The following ERN1 variants were observed in gnomAD, a reference collection of about 807,000 sequenced individuals.
ERN1 encodes serine/threonine-protein kinase/endoribonuclease IRE1.
ERN1 carries 39 observed loss-of-function variants against 113.1 expected under a neutral mutation model. The observed-to-expected ratio is 0.34, with a 90% CI of 0.27 to 0.45. ERN1 has a LOEUF of 0.45. ERN1 is among the 20% of genes least tolerant of loss of function. The pLI, the probability that ERN1 is intolerant of heterozygous loss-of-function variation, is 1.00. For synonymous variants in ERN1, 507 were observed against 515.9 expected, an observed-to-expected ratio of 0.98 and a Z score of 0.23; for missense variants, 976 against 1,274.8, an observed-to-expected ratio of 0.77 and a Z score of 3.57.
At chr17:64,095,912 C>T (rs189700097) in intron 2 of ERN1, among the ~76,000 whole-genome samples, 1 of 152,352 alleles carries the variant, frequency 6.6e-6, no homozygotes, top group East Asian at 1.9e-4. Flanking sequence ...CCCCACTTCA[C>T]AGAGCCTCCT....
chr17:64,048,980 G>T, intron 18 of ERN1, 75 bp downstream of exon 18: 3 of 1,403,434 alleles, frequency 2.1e-6, no homozygotes, highest in Non-Finnish European at 2.8e-6. Context: ...TGCAAAGGTG[G>T]CACCAGCCCA....
intron 1 of ERN1, among the ~76,000 whole-genome samples, chr17:64,099,605 C>A (rs1470077183): frequency 6.6e-6 from 1 of 151,840 alleles, no homozygotes; most frequent in East Asian, 1.9e-4. Context: ...TTTTGAAATA[C>A]AGAAGTATGG....
Position 64,102,669 on chromosome 17 carries a change from G to T in ERN1, c.55-4428C>A, listed in dbSNP as rs143581413. 6.9e-4 allele frequency: 684 copies of T among 985,366 alleles called. 2 individuals are homozygous for T. In the African/African-American group the frequency reaches 0.011, roughly 16 times the overall value. 61.0% of individuals were successfully genotyped at this position (985,366 alleles called of 1,614,324 possible). A position where few individuals can be genotyped will look rare whatever the true frequency, so the allele number is the denominator to read the frequency against. Reference sequence around the variant, plus strand: ...TACTGAGCACAGCTGAGAACTATTTGTACCTGAACACTGAAAAACGCTGCT... The same window carrying T: ...TACTGAGCACAGCTGAGAACTATTTTTACCTGAACACTGAAAAACGCTGCT... On this transcript the variant is annotated intron_variant, in intron 1 of 21. Transcript: ENST00000433197.
intron 1 of ERN1, 109 bp from the exon 2 acceptor site, chr17:64,098,350 T>C (rs1353617639): frequency 2.2e-6 from 3 of 1,362,520 alleles, no homozygotes; most frequent in Non-Finnish European, 3.1e-6. Flanking sequence ...CCCTCCATTT[T>C]ACAGATGAAG....
At chr17:64,111,592 G>A (rs1041489807) in intron 1 of ERN1, among the ~76,000 whole-genome samples, 1 of 152,054 alleles carries the variant, frequency 6.6e-6, no homozygotes, top group African/African-American at 2.4e-5. Context: ...CCTGACTTTA[G>A]GTGATCCATC....
At chr17:64,062,148 G>C (rs1047449020) in intron 10 of ERN1, among the ~76,000 whole-genome samples, 2 of 152,248 alleles carry the variant, frequency 1.3e-5, no homozygotes, top group African/African-American at 4.8e-5. Context: ...GCAAAAAGCA[G>C]ATGGCTAGGC....
At chr17:64,105,802 C>T (rs1260487232) in intron 1 of ERN1, among the ~76,000 whole-genome samples, 1 of 152,064 alleles carries the variant, frequency 6.6e-6, no homozygotes, top group Non-Finnish European at 1.5e-5. Context: ...CCTGTCTCTA[C>T]TAAAAATACA....
chr17:64,108,673 G>T (rs757583675), intron 1 of ERN1, among the ~76,000 whole-genome samples: 1 of 152,122 alleles, frequency 6.6e-6, no homozygotes. Flanking sequence ...ACCAAGAAAC[G>T]TATCAGGCTA....
chr17:64,105,587 T>G (rs921350011), intron 1 of ERN1, among the ~76,000 whole-genome samples: 3 of 152,174 alleles, frequency 2.0e-5, no homozygotes, highest in Non-Finnish European at 2.9e-5. Flanking sequence ...TGTGTGTGTG[T>G]TTTTGTTTGT....
chr17:64,079,897 A>C (rs1259285893), intron 3 of ERN1, among the ~76,000 whole-genome samples, 163 bp from the exon 4 acceptor site: 1 of 152,216 alleles, frequency 6.6e-6, no homozygotes, highest in Non-Finnish European at 1.5e-5. Flanking sequence ...ACTCTCTCTC[A>C]CTTCAACCAC....
intron 1 of ERN1, among the ~76,000 whole-genome samples, chr17:64,109,347 C>A (rs184215845): frequency 3.3e-5 from 5 of 152,280 alleles, no homozygotes; most frequent in Admixed American, 2.0e-4. Flanking sequence ...AAATTACCTA[C>A]AAACAACTGT....
intron 1 of ERN1, among the ~76,000 whole-genome samples, chr17:64,116,971 G>C (rs1299634961): frequency 6.7e-6 from 1 of 150,110 alleles, no homozygotes; most frequent in African/African-American, 2.5e-5. Context: ...AAAAAGCCAG[G>C]TGTTGTGGCG....
At chr17:64,090,725 G>A (rs927259714) in intron 2 of ERN1, among the ~76,000 whole-genome samples, 9 of 152,294 alleles carry the variant, frequency 5.9e-5, no homozygotes, top group African/African-American at 2.2e-4. Flanking sequence ...GGAGCCATCC[G>A]AAATGAGAAA....
At chr17:64,075,075 G>T in intron 5 of ERN1, 100 bp downstream of exon 5, 2 of 974,070 alleles carry the variant, frequency 2.1e-6, no homozygotes, top group Non-Finnish European at 3.2e-6. Context: ...AGAAAGGGTT[G>T]GCAAGGCGGT....
chr17:64,116,385 C>A (rs1310242733), intron 1 of ERN1, among the ~76,000 whole-genome samples: 2 of 152,164 alleles, frequency 1.3e-5, no homozygotes, highest in Admixed American at 6.5e-5. Context: ...AGCACCAAAA[C>A]TACAGATAAA....
At chr17:64,047,432 C>T (rs1339161781) in intron 19 of ERN1, among the ~76,000 whole-genome samples, 4 of 152,070 alleles carry the variant, frequency 2.6e-5, no homozygotes, top group South Asian at 4.1e-4. Flanking sequence ...AGATTTACTT[C>T]GAAATAACCT....
intron 2 of ERN1, among the ~76,000 whole-genome samples, chr17:64,089,512 A>G (rs73330166): frequency 0.018 from 2,791 of 152,170 alleles, 85 homozygotes; most frequent in African/African-American, 0.063. Flanking sequence ...AATATAATGC[A>G]AATATTCCAA....
chr17:64,118,125 G>A (rs1174004835), intron 1 of ERN1, among the ~76,000 whole-genome samples: 3 of 152,238 alleles, frequency 2.0e-5, no homozygotes, highest in Middle Eastern at 3.4e-3. Flanking sequence ...GGGACTAGTC[G>A]CTTTCACCTA....
chr17:64,104,298 T>C (rs904797943), intron 1 of ERN1, among the ~76,000 whole-genome samples: 5 of 152,272 alleles, frequency 3.3e-5, no homozygotes, highest in Non-Finnish European at 7.4e-5. Context: ...TCAGCAGCCT[T>C]ATCACTGAAG....
Sources: allele counts gnomAD v4.1 joint callset (sites outside exome capture counted in the v4.1 genomes callset), GRCh38; gene constraint gnomAD v4.1.1; transcripts MANE v1.5; gene names NCBI Gene and HGNC (gene_info 2026-07-23, HGNC 2026-07-21).